Variants in DCAF6 observed in about 807,000 individuals in gnomAD.
The protein encoded by DCAF6 is DDB1 and CUL4 associated factor 6.
DCAF6 carries 54 observed loss-of-function variants against 125.1 expected under a neutral mutation model. The ratio of observed to expected loss-of-function variants is 0.43; its 90% CI spans 0.35 to 0.54. DCAF6 has a LOEUF of 0.54. DCAF6 is among the 20% of genes least tolerant of loss of function. DCAF6 has a pLI of 0.01. For missense variants in DCAF6, 934 were observed against 1,161.7 expected (o/e 0.80, Z 2.85); for synonymous variants, 371 against 390.4 (o/e 0.95, Z 0.58).
At chr1:167,878,106 T>C in the DCAF6 span, among the ~76,000 whole-genome samples, 2 of 152,198 alleles carry the variant, frequency 1.3e-5, no homozygotes, top group African/African-American at 4.8e-5. Context: ...CGGCATACAG[T>C]TGACATAATT....
intron 1 of DCAF6, 80 bp downstream of exon 1, chr1:167,937,088 G>T: frequency 7.7e-7 from 1 of 1,294,226 alleles, no homozygotes; most frequent in Non-Finnish European, 1.1e-6. Context: ...GTCTGTTGGA[G>T]GTGGGACGGC....
intron 7 of DCAF6, among the ~76,000 whole-genome samples, chr1:167,993,778 A>T (rs1681229690): frequency 1.3e-5 from 2 of 151,526 alleles, no homozygotes; most frequent in South Asian, 4.2e-4. Flanking sequence ...AACAACAACA[A>T]CAAAAACCCC....
intron 3 of DCAF6, among the ~76,000 whole-genome samples, chr1:167,971,916 C>A (rs1024101529): frequency 6.6e-6 from 1 of 151,896 alleles, no homozygotes; most frequent in Non-Finnish European, 1.5e-5. Context: ...AGTGCAGTGG[C>A]GTATTCTCAG....
intron 16 of DCAF6, 95 bp downstream of exon 16, chr1:168,045,322 T>C: frequency 8.8e-7 from 1 of 1,131,690 alleles, no homozygotes; most frequent in Non-Finnish European, 1.2e-6. Flanking sequence ...TTTTGACAGT[T>C]GCTTCCTCTA....
chr1:167,865,436 A>G, the DCAF6 span, among the ~76,000 whole-genome samples: 1 of 152,342 alleles, frequency 6.6e-6, no homozygotes, highest in African/African-American at 2.4e-5. Context: ...AAAGGTTAAA[A>G]AGAGTCTGTA....
chr1:167,881,378 A>G, the DCAF6 span, among the ~76,000 whole-genome samples: 3 of 152,344 alleles, frequency 2.0e-5, no homozygotes, highest in East Asian at 5.8e-4. Context: ...ACATCCTGAT[A>G]AAATGCAAAG....
chr1:168,051,286 A>T (rs1308598108), intron 17 of DCAF6, among the ~76,000 whole-genome samples: 1 of 152,240 alleles, frequency 6.6e-6, no homozygotes, highest in Admixed American at 6.5e-5. Context: ...TTGGGATAAC[A>T]ATTACCAACT....
rs1164169713 is a variant in DCAF6 at position 168,045,148 on chromosome 1, G to A, written c.2179G>A (p.Ala727Thr). The stretch of plus-strand genomic sequence containing the variant: ...TGAAGAAACATCCACCAGGGACTCT[G>A]CTCTTCAGGACACAGATGACAGTGA... ...AHEETSTRDS[A>T]LQDTDDSDDD... The change falls in exon 16 of 22, where the codon GCT becomes ACT. Residue 727 changes from alanine to threonine, a missense_variant. This residue lies in a region of DCAF6 where 559 missense variants were observed against 635.5 expected (regional missense o/e 0.88). Transcript: ENST00000367840. The A allele has an allele frequency of 1.9e-6, 3 of 1,613,970 alleles. No individual in the cohort carries two copies. Among genetic ancestry groups the A allele is most frequent in the Non-Finnish European group, 2.5e-6 (3 of 1,179,936 alleles).
chr1:167,974,605 A>T (rs940906843), intron 3 of DCAF6, among the ~76,000 whole-genome samples: 2 of 152,158 alleles, frequency 1.3e-5, no homozygotes, highest in African/African-American at 4.8e-5. Context: ...TTTTCATGAT[A>T]CTGTTCCTGT....
At chr1:167,899,035 C>T in the DCAF6 span, among the ~76,000 whole-genome samples, 2 of 152,152 alleles carry the variant, frequency 1.3e-5, no homozygotes, top group Admixed American at 1.3e-4. Context: ...TCAGTGATCC[C>T]TCATCCTGGG....
At chr1:167,991,035 G>A (rs956917049) in intron 5 of DCAF6, among the ~76,000 whole-genome samples, 169 bp from the exon 6 acceptor site, 31 of 151,712 alleles carry the variant, frequency 2.0e-4, no homozygotes, top group Admixed American at 1.4e-3. Flanking sequence ...GTAGAAATCC[G>A]AAAAAAAAGT....
chr1:167,893,925 T>C, the DCAF6 span: 4 of 1,613,294 alleles, frequency 2.5e-6, no homozygotes, highest in Middle Eastern at 1.7e-4. Flanking sequence ...TCAGCGTGCA[T>C]GCAAGCCTCA....
At chr1:167,914,499 A>T in the DCAF6 span, among the ~76,000 whole-genome samples, 1 of 152,218 alleles carries the variant, frequency 6.6e-6, no homozygotes, top group African/African-American at 2.4e-5. Flanking sequence ...GTTATAATAA[A>T]TTCAATACTT....
chr1:167,974,109 A>G (rs753281418), intron 3 of DCAF6, among the ~76,000 whole-genome samples: 1 of 152,128 alleles, frequency 6.6e-6, no homozygotes. Flanking sequence ...CATAATTTCA[A>G]TTTGCATTTC....
At chr1:167,928,443 A>G in the DCAF6 span, among the ~76,000 whole-genome samples, 1 of 152,318 alleles carries the variant, frequency 6.6e-6, no homozygotes, top group East Asian at 1.9e-4. Flanking sequence ...AGAGTAAATA[A>G]TATGTCAAAT....
At chr1:167,995,734 T>C (rs1018108543) in intron 7 of DCAF6, among the ~76,000 whole-genome samples, 1 of 151,448 alleles carries the variant, frequency 6.6e-6, no homozygotes. Context: ...GAGGTATACA[T>C]AGAATAAATT....
At chr1:167,988,310 G>A (rs967914017) in intron 5 of DCAF6, among the ~76,000 whole-genome samples, 6 of 151,994 alleles carry the variant, frequency 3.9e-5, no homozygotes, top group African/African-American at 1.5e-4. Context: ...ACGGGTGTGT[G>A]CCACTATGCT....
chr1:167,876,257 C>CAAAA, the DCAF6 span, among the ~76,000 whole-genome samples: 2 of 85,130 alleles, frequency 2.3e-5, no homozygotes, highest in Non-Finnish European at 2.4e-5. Context: ...AGCTCCATCT[C>CAAAA]AAAAAAAAAA....
chr1:168,014,471 T>G lies in DCAF6; in HGVS notation c.1379-1310T>G, dbSNP rs112505025. ...AGATTCAGTTCTTAGACCTCTTCTG[T>G]GTCATCCCTTACTCTTTAGGGGACT... is the stretch of plus-strand genomic sequence containing the variant. On this transcript the variant is annotated intron_variant, in intron 10 of 21. Transcript: ENST00000367840. Among the ~76,000 whole-genome samples, 448 of 152,358 alleles carry G rather than the reference T, an allele frequency of 2.9e-3. 1 individual carries two copies. The highest frequency in any genetic ancestry group is 0.01 in the African/African-American group (426 of 41,586).
Sources: gnomAD v4.1 joint callset for allele counts (sites outside exome capture counted in the v4.1 genomes callset) on GRCh38, gnomAD v4.1.1 for gene constraint, gnomAD v4.1.1 regional missense constraint, MANE v1.5 for transcripts, NCBI Gene and HGNC (gene_info 2026-07-23, HGNC 2026-07-21) for gene names.